Variants in FLNC observed in about 807,000 individuals in gnomAD.
FLNC encodes the protein filamin C.
Under a neutral mutation model 254.3 loss-of-function variants are expected in FLNC, and 91 were observed. The observed-to-expected ratio is 0.36, with a 90% CI of 0.30 to 0.43. The LOEUF is 0.43. FLNC is among the 20% of genes least tolerant of loss of function. The pLI is 1.00. For missense variants in FLNC, 2,853 were observed against 3,802.6 expected, an observed-to-expected ratio of 0.75 and a Z score of 6.57; for synonymous variants, 1,430 against 1,577.2, an observed-to-expected ratio of 0.91 and a Z score of 2.21.
At position 128,837,987 on chromosome 7, in the gene FLNC, G is replaced by T. The variant is rs750577694; in HGVS notation, c.970G>T (p.Ala324Ser). The T allele has an allele frequency of 6.2e-7, 1 of 1,613,654 alleles. No homozygotes were observed. ...IEDPEGHTEE[A>S]KVVPNNDKDR... is the part of the protein sequence containing the mutation. ...TTCCAATCTTTTTCCTTCCTAATAG[G>T]CTAAGGTGGTTCCCAACAATGACAA... is the stretch of plus-strand genomic sequence containing the variant. The change falls in exon 6 of 48, where the codon GCT (alanine) becomes TCT (serine). Residue 324 changes from alanine (A) to serine (S), a missense_variant and splice_region_variant. Ala to Ser is a moderately conservative substitution (Grantham distance 99). Coordinates refer to ENST00000325888, the MANE Select transcript of FLNC (RefSeq NM_001458.5).
At position 128,854,022 on chromosome 7, in the gene FLNC, T is replaced by C. The variant is rs1554401204; in HGVS notation, c.6533T>C (p.Phe2178Ser). 2 of 1,613,108 alleles carry C rather than the reference T, an allele frequency of 1.2e-6. No homozygotes were observed. The highest frequency in any genetic ancestry group is 4.5e-5 in the East Asian group (2 of 44,864). ...GCCCAGGAGCGCCTGACACGCACCT[T>C]CACACGCAGCAGCCACACCTACACC... ...VSAQERLTRT[F>S]TRSSHTYTRT... Residue 2178 changes from phenylalanine (F) to serine (S), a missense_variant, in exon 40 of 48, where the codon TTC becomes TCC. Physicochemically the swap from Phe to Ser is radical, Grantham distance 155. Transcript: ENST00000325888.
At chr7:128,833,252 AG>A (rs1174132946) in intron 1 of FLNC, among the ~76,000 whole-genome samples, 3 of 143,022 alleles carry the variant, frequency 2.1e-5, no homozygotes, top group African/African-American at 7.5e-5. Context: ...CAACCAAGGG[AG>A]GGGCGGGAGG....
intron 31 of FLNC, 123 bp from the exon 32 acceptor site, chr7:128,850,261 C>T: frequency 1.0e-6 from 1 of 988,314 alleles, no homozygotes; most frequent in East Asian, 2.4e-5. Flanking sequence ...ACGCACCTCT[C>T]CTGCCACGCT....
chr7:128,851,947 C>G (rs1808835722), intron 35 of FLNC, among the ~76,000 whole-genome samples: 3 of 152,246 alleles, frequency 2.0e-5, no homozygotes, highest in South Asian at 4.1e-4. Context: ...CTCACTGCAA[C>G]CTCCGCCTCC....
chr7:128,837,894 G>C, intron 5 of FLNC, 93 bp from the exon 6 acceptor site: 2 of 1,369,252 alleles, frequency 1.5e-6, no homozygotes, highest in East Asian at 2.3e-5. Flanking sequence ...TGTCACCATG[G>C]GGGCTGAGTG....
Position 128,842,107 on chromosome 7 carries a change from G to A in FLNC, c.2122-124G>A, listed in dbSNP as rs1808355774. On this transcript the variant is annotated intron_variant, in intron 13 of 47. Coordinates refer to ENST00000325888, the MANE Select transcript of FLNC (RefSeq NM_001458.5). The surrounding 1 kb of genome is among the most constrained non-coding windows in gnomAD (Gnocchi z 5.4). ...GCCCTGGGCTCTGGTGGCCTCAGTG[G>A]CTGGTGTGGGGGCGGGAGTGCCAGT... 1 of 1,021,138 alleles carries A rather than the reference G, an allele frequency of 9.8e-7. No homozygotes were observed. 63.3% of individuals were successfully genotyped at this position (1,021,138 alleles called of 1,614,324 possible).
Position 128,851,271 on chromosome 7 carries a change from G to C in FLNC, c.5579G>C (p.Arg1860Pro). 1 of 1,614,056 alleles carries C rather than the reference G, an allele frequency of 6.2e-7. No individual in the cohort carries two copies. The highest frequency in any genetic ancestry group is 8.5e-7 in the Non-Finnish European group (1 of 1,180,018). Residue 1860 changes from arginine to proline, a missense_variant, in exon 34 of 48, where the codon CGC becomes CCC. Physicochemically the swap from Arg to Pro is moderately radical, Grantham distance 103. Coordinates refer to ENST00000325888, the MANE Select transcript of FLNC (RefSeq NM_001458.5). ...LQFYVDAINS[R>P]HVSAYGPGLS... ...TTCTATGTGGATGCCATCAACAGCCGCCATGTCAGTGCCTATGGGCCAGGC... is the reference window on the plus strand; with the variant it reads ...TTCTATGTGGATGCCATCAACAGCCCCCATGTCAGTGCCTATGGGCCAGGC...
chr7:128,849,278 A>C, intron 29 of FLNC, 53 bp from the exon 30 acceptor site: 1 of 1,614,042 alleles, frequency 6.2e-7, no homozygotes, highest in Non-Finnish European at 8.5e-7. Flanking sequence ...GCGGGAACAG[A>C]GAGGGCTGGC....
At position 128,854,106 on chromosome 7, in the gene FLNC, G is replaced by T; in HGVS notation, c.6617G>T (p.Arg2206Leu). ...GGCGGGGAGACAAAGCGCGAGGTGC[G>T]GGTGGAGGAGTCCACCCAGGTCGGC... ...TRGGETKREV[R>L]VEESTQVGGD... Residue 2206 changes from arginine (R) to leucine (L), a missense_variant, in exon 40 of 48, where the codon CGG becomes CTG. By Grantham distance (102) the Arg-to-Leu change is moderately radical. This residue lies in a region of FLNC where 551 missense variants were observed against 835.0 expected (regional missense o/e 0.66). Coordinates refer to ENST00000325888, the MANE Select transcript of FLNC (RefSeq NM_001458.5). The T allele has an allele frequency of 6.2e-7, 1 of 1,612,912 alleles. No homozygotes were observed. The highest frequency in any genetic ancestry group is 8.5e-7 in the Non-Finnish European group (1 of 1,179,922).
Position 128,848,564 on chromosome 7 carries a change from C to T in FLNC, c.4584C>T (p.Pro1528=). 6.2e-7 allele frequency: 1 copy of T among 1,613,972 alleles called. No homozygotes were observed. Among genetic ancestry groups the T allele is most frequent in the South Asian group, 1.1e-5 (1 of 91,084 alleles). Residue 1528 remains proline (P), a synonymous_variant, in exon 27 of 48, where the codon CCC becomes CCT. Coordinates refer to ENST00000325888, the MANE Select transcript of FLNC (RefSeq NM_001458.5). ...TTTATCCCTTCTGCTCCTCAAGCCC[C>T]TTCAAGATCAAGGTCCTCCCAGCTC... The part of the protein sequence containing the change: ...KYADQEVPRS[P]FKIKVLPAHD...
chr7:128,858,588 C>G lies in FLNC; in HGVS notation c.*65C>G. ...GCCACACACACATTACACACACACACACACACACACAAATGTGCCACACCC... is the reference window on the plus strand; with the variant it reads ...GCCACACACACATTACACACACACAGACACACACACAAATGTGCCACACCC... On this transcript the variant is annotated 3_prime_UTR_variant, in exon 48 of 48. Coordinates refer to ENST00000325888, the MANE Select transcript of FLNC (RefSeq NM_001458.5). The surrounding 1 kb of genome is among the most constrained non-coding windows in gnomAD (Gnocchi z 6.7). The G allele has an allele frequency of 9.2e-7, 1 of 1,086,590 alleles. No homozygotes were observed. Among genetic ancestry groups the G allele is most frequent in the Non-Finnish European group, 1.4e-6 (1 of 708,998 alleles). The allele number at this position is 1,086,590 out of a possible 1,614,324, so 67.3% of individuals were successfully genotyped here.
At chr7:128,846,196 G>A in intron 22 of FLNC, 33 bp downstream of exon 22, 1 of 1,613,614 alleles carries the variant, frequency 6.2e-7, no homozygotes, top group South Asian at 1.1e-5. Context: ...AGTGGGCAGG[G>A]CTGGGCAAGT....
chr7:128,844,092 C>T lies in FLNC; in HGVS notation c.3018C>T (p.Pro1006=). Residue 1006 remains proline (P), a synonymous_variant, in exon 20 of 48, where the codon CCC becomes CCT. Transcript: ENST00000325888. The part of the protein sequence containing the change: ...QGQLDVRMTS[P]SRRPIPCKLE... The stretch of plus-strand genomic sequence containing the variant: ...AACTGGATGTGCGGATGACTTCGCC[C>T]TCTCGCCGGCCCATCCCCTGCAAGC... The T allele has an allele frequency of 4.3e-6, 7 of 1,613,980 alleles. No individual in the cohort carries two copies. The highest frequency in any genetic ancestry group is 5.9e-6 in the Non-Finnish European group (7 of 1,180,036).
intron 39 of FLNC, 36 bp downstream of exon 39, chr7:128,853,873 T>C (rs1439807974): frequency 6.2e-7 from 1 of 1,612,584 alleles, no homozygotes; most frequent in Non-Finnish European, 8.5e-7. Flanking sequence ...GGGCGGGTGG[T>C]GGGAGAGGGC....
chr7:128,844,558 A>G, intron 20 of FLNC, 100 bp from the exon 21 acceptor site: 2 of 1,155,542 alleles, frequency 1.7e-6, no homozygotes, highest in East Asian at 2.3e-5. Flanking sequence ...CTCAGTCCAC[A>G]GTAGCAGCCA....
In FLNC at chr7:128,837,541, T is replaced by C. The variant is rs909002315; in HGVS notation, c.843T>C (p.Tyr281=). The change falls in exon 4 of 48, where the codon TAT becomes TAC. Residue 281 remains tyrosine, a synonymous_variant. Coordinates refer to ENST00000325888, the MANE Select transcript of FLNC (RefSeq NM_001458.5). ...KQLNPKKAIA[Y]GPGIEPQGNT... ...TGAACCCCAAGAAAGCCATCGCCTATGGGCCTGGTATGTGTGAGCCCCTGG... is the reference window on the plus strand; with the variant it reads ...TGAACCCCAAGAAAGCCATCGCCTACGGGCCTGGTATGTGTGAGCCCCTGG... 2 of 1,614,146 alleles carry C rather than the reference T, an allele frequency of 1.2e-6. No individual in the cohort carries two copies. The highest frequency in any genetic ancestry group is 1.7e-6 in the Non-Finnish European group (2 of 1,180,026).
chr7:128,833,943 C>T (rs751149037), intron 1 of FLNC, among the ~76,000 whole-genome samples: 5 of 152,150 alleles, frequency 3.3e-5, no homozygotes, highest in Non-Finnish European at 5.9e-5. Context: ...GCGGCCAGAG[C>T]CCCAGCCAGA....
chr7:128,832,596 C>G (rs186516144), intron 1 of FLNC, among the ~76,000 whole-genome samples: 1 of 152,210 alleles, frequency 6.6e-6, no homozygotes, highest in Non-Finnish European at 1.5e-5. Context: ...TCCCCCGTGG[C>G]GGTGCCTGGC....
chr7:128,839,969 C>T, intron 8 of FLNC, 54 bp from the exon 9 acceptor site: 1 of 1,599,516 alleles, frequency 6.3e-7, no homozygotes, highest in South Asian at 1.1e-5. Context: ...GAGGTGGGGG[C>T]TAGTGGTCCA....
Sources: gnomAD v4.1 joint callset for allele counts (sites outside exome capture counted in the v4.1 genomes callset) on GRCh38, gnomAD v4.1.1 for gene constraint, gnomAD v4.1.1 regional missense constraint, Gnocchi (gnomAD v3.1) non-coding constraint, MANE v1.5 for transcripts, NCBI Gene and HGNC (gene_info 2026-07-23, HGNC 2026-07-21) for gene names.